Variants in EIF4G3 observed in about 807,000 individuals in gnomAD.
The protein encoded by EIF4G3 is eukaryotic translation initiation factor 4 gamma 3.
EIF4G3 carries 34 observed loss-of-function variants against 186.4 expected under a neutral mutation model. The ratio of observed to expected loss-of-function variants is 0.18; its 90% CI spans 0.14 to 0.24. The LOEUF is 0.24. Among genes scored for constraint, EIF4G3 ranks in the 10% least tolerant of loss-of-function variants. The pLI, the probability that EIF4G3 is intolerant of heterozygous loss-of-function variation, is 1.00. For missense variants in EIF4G3, 1,536 were observed against 1,948.5 expected (o/e 0.79, Z 3.99); for synonymous variants, 673 against 679.5 (o/e 0.99, Z 0.15).
intron 2 of EIF4G3, among the ~76,000 whole-genome samples, chr1:21,105,510 T>C (rs1441963207): frequency 6.7e-6 from 1 of 149,008 alleles, no homozygotes; most frequent in Non-Finnish European, 1.5e-5. Context: ...AACCTGCATA[T>C]ATACCCCTGA....
chr1:20,816,243 G>A (rs2060799933), intron 34 of EIF4G3, among the ~76,000 whole-genome samples: 1 of 55,848 alleles, frequency 1.8e-5, no homozygotes, highest in Non-Finnish European at 3.6e-5. Flanking sequence ...TCAGCCCCCC[G>A]CCTGGCCAGC....
chr1:20,889,147 C>T (rs930693527), intron 18 of EIF4G3, among the ~76,000 whole-genome samples: 1 of 152,176 alleles, frequency 6.6e-6, no homozygotes, highest in Non-Finnish European at 1.5e-5. Flanking sequence ...TGAAATTATA[C>T]CCATCTCCGT....
At chr1:20,870,813 G>A (rs2078976769) in intron 20 of EIF4G3, among the ~76,000 whole-genome samples, 1 of 152,132 alleles carries the variant, frequency 6.6e-6, no homozygotes, top group South Asian at 2.1e-4. Flanking sequence ...GAGTCTCACA[G>A]GCCTCTTCAG....
At chr1:21,083,073 A>G (rs1412413453) in intron 3 of EIF4G3, among the ~76,000 whole-genome samples, 2 of 135,402 alleles carry the variant, frequency 1.5e-5, no homozygotes, top group African/African-American at 5.4e-5. Flanking sequence ...AAAAAAAAAA[A>G]GTTTAAAAAA....
At chr1:21,058,565 T>C (rs1396586241) in intron 3 of EIF4G3, among the ~76,000 whole-genome samples, 1 of 151,860 alleles carries the variant, frequency 6.6e-6, no homozygotes, top group African/African-American at 2.4e-5. Context: ...CTCACTGTGT[T>C]GCCCAGGCTG....
intron 4 of EIF4G3, among the ~76,000 whole-genome samples, chr1:21,040,191 G>A (rs576147295): frequency 1.3e-5 from 2 of 152,252 alleles, no homozygotes; most frequent in African/African-American, 4.8e-5. Flanking sequence ...GGAAGGAGAG[G>A]GGCTAAAGGT....
rs371535736 is a variant in EIF4G3, at chr1:20,934,808, C to G, written c.1663+6683G>C. Among the ~76,000 whole-genome samples the G allele has an allele frequency of 3.0e-4, 46 of 152,196 alleles. 1 individual carries two copies. Among genetic ancestry groups the G allele is most frequent in the African/African-American group, 1.0e-3 (42 of 41,520 alleles). On this transcript the variant is annotated intron_variant, in intron 14 of 36. Transcript: ENST00000602326. Reference sequence around the variant, plus strand: ...AAAGAGGAAAATCACAGATTTTGTACAGGGTAGCTCAAATAATCCCCCTCG... The same window carrying G: ...AAAGAGGAAAATCACAGATTTTGTAGAGGGTAGCTCAAATAATCCCCCTCG...
In EIF4G3 at chr1:20,966,172, AT is replaced by A. The variant is rs547431183; in HGVS notation, c.714+3301del. Among the ~76,000 whole-genome samples the A allele has an allele frequency of 2.6e-5, 4 of 152,354 alleles. No homozygotes were observed. The South Asian group carries it at 8.3e-4, about 32-fold the overall frequency. ...AGGGAAAGGCTTGGTTATCCACAGC[AT>A]AAGCAATTATGTCTAACTCAAAGCA... is the stretch of plus-strand genomic sequence containing the variant. On this transcript the variant is annotated intron_variant, in intron 12 of 36. Transcript: ENST00000602326.
intron 12 of EIF4G3, among the ~76,000 whole-genome samples, chr1:20,953,846 C>A (rs2096308112): frequency 6.6e-6 from 1 of 152,122 alleles, no homozygotes; most frequent in Admixed American, 6.5e-5. Context: ...TTTCTTGACA[C>A]ATGAAAATTA....
Position 20,815,471 on chromosome 1 carries a change from C to T in EIF4G3, c.4515+1921G>A, listed in dbSNP as rs1279350645. ...TGTGAGGAGCGCCTCTGCTGGGCCG[C>T]AACCCTGTCTGGGAGGTGAGGAGCG... On this transcript the variant is annotated intron_variant, in intron 34 of 36. Transcript: ENST00000602326. Among the ~76,000 whole-genome samples, 8 of 151,036 alleles carry T rather than the reference C, an allele frequency of 5.3e-5. No individual in the cohort carries two copies. In the East Asian group the frequency reaches 1.4e-3, roughly 26 times the overall value.
At chr1:20,942,817 G>A (rs1052266048) in intron 13 of EIF4G3, among the ~76,000 whole-genome samples, 2 of 151,858 alleles carry the variant, frequency 1.3e-5, no homozygotes, top group African/African-American at 4.8e-5. Context: ...TTGTATTTGG[G>A]GAGATAATTT....
chr1:20,858,244 A>G (rs2075508037), intron 24 of EIF4G3, among the ~76,000 whole-genome samples: 1 of 152,108 alleles, frequency 6.6e-6, no homozygotes. Context: ...ATTCCTTACA[A>G]ATGGCCTCTA....
chr1:21,066,365 AAAG>A (rs2095242925), intron 3 of EIF4G3, among the ~76,000 whole-genome samples: 1 of 152,124 alleles, frequency 6.6e-6, no homozygotes, highest in Admixed American at 6.6e-5. Context: ...CTTATTGAAC[AAAG>A]AATAACAATA....
chr1:21,093,262 C>T (rs998049276), intron 2 of EIF4G3, among the ~76,000 whole-genome samples: 4 of 152,100 alleles, frequency 2.6e-5, no homozygotes, highest in Non-Finnish European at 5.9e-5. Flanking sequence ...AAGAAAAAAA[C>T]AAACAACCCC....
chr1:21,123,061 A>G (rs1488536037), intron 2 of EIF4G3, among the ~76,000 whole-genome samples: 1 of 152,176 alleles, frequency 6.6e-6, no homozygotes, highest in East Asian at 1.9e-4. Flanking sequence ...TGTGTCTTCC[A>G]TTATCATTGC....
intron 4 of EIF4G3, among the ~76,000 whole-genome samples, chr1:21,036,163 A>T (rs1214088570): frequency 6.6e-6 from 1 of 151,732 alleles, no homozygotes; most frequent in African/African-American, 2.4e-5. Flanking sequence ...CTCTGCTGAG[A>T]GCTGCAGAGA....
At position 20,893,676 on chromosome 1, in the gene EIF4G3, G is replaced by A. The variant is rs773049679; in HGVS notation, c.2134-40C>T. 1.6e-5 allele frequency: 23 copies of A among 1,458,522 alleles called. No individual in the cohort carries two copies. The East Asian group carries it at 5.2e-4, about 33-fold the overall frequency. 90.3% of individuals were successfully genotyped at this position (1,458,522 alleles called of 1,614,324 possible). On this transcript the variant is annotated intron_variant, in intron 17 of 36. Coordinates refer to ENST00000602326, the MANE Select transcript of EIF4G3 (RefSeq NM_001391906.1). ...AAAAGAAAGCTTAATACATGTTCCA[G>A]AGCATTCCCTGCCACAAAAGATAAC...
chr1:21,034,301 A>C (rs1035337353), intron 4 of EIF4G3, among the ~76,000 whole-genome samples: 1 of 152,204 alleles, frequency 6.6e-6, no homozygotes, highest in Admixed American at 6.5e-5. Flanking sequence ...CTTAATTGTA[A>C]CTTTTGGAAA....
intron 4 of EIF4G3, among the ~76,000 whole-genome samples, chr1:21,015,814 C>A (rs1374452341): frequency 1.4e-5 from 2 of 146,310 alleles, no homozygotes; most frequent in Non-Finnish European, 3.0e-5. Context: ...AATTTTAATT[C>A]AAAAATGAGG....
Sources: allele counts gnomAD v4.1 joint callset (sites outside exome capture counted in the v4.1 genomes callset), GRCh38; gene constraint gnomAD v4.1.1; transcripts MANE v1.5; gene names NCBI Gene and HGNC (gene_info 2026-07-23, HGNC 2026-07-21).